Variants in FAM135B observed in about 807,000 individuals in gnomAD.
FAM135B encodes the protein protein FAM135B.
In FAM135B, 43 loss-of-function variants were observed where a neutral mutation model predicts 127.7. The ratio of observed to expected loss-of-function variants is 0.34; its 90% CI spans 0.26 to 0.43. FAM135B has a LOEUF of 0.43. Among genes scored for constraint, FAM135B ranks in the 20% least tolerant of loss-of-function variants. FAM135B has a pLI of 1.00. For synonymous variants in FAM135B, 670 were observed against 665.1 expected, an observed-to-expected ratio of 1.01 and a Z score of -0.11; for missense variants, 1,558 against 1,725.6, an observed-to-expected ratio of 0.90 and a Z score of 1.72.
At chr8:138,333,231 AC>A (rs1010143312) in intron 2 of FAM135B, among the ~76,000 whole-genome samples, 26 of 152,148 alleles carry the variant, frequency 1.7e-4, no homozygotes, top group Admixed American at 5.9e-4. Flanking sequence ...TTGCCCTGGG[AC>A]AACTAAACCT....
intron 7 of FAM135B, among the ~76,000 whole-genome samples, chr8:138,225,586 A>G (rs1294518099): frequency 1.3e-5 from 2 of 152,054 alleles, no homozygotes; most frequent in Admixed American, 6.6e-5. Context: ...AGACACCTAC[A>G]CTGTTGGAGG....
chr8:138,432,075 G>A (rs1447204362), intron 1 of FAM135B, among the ~76,000 whole-genome samples: 1 of 152,178 alleles, frequency 6.6e-6, no homozygotes, highest in Non-Finnish European at 1.5e-5. Context: ...ACGATCCCTG[G>A]GGATGGGTGT....
In FAM135B at chr8:138,137,258, G is replaced by A. The variant is rs2130542226; in HGVS notation, c.3904C>T (p.Leu1302=). 6.4e-7 allele frequency: 1 copy of A among 1,570,824 alleles called. No individual in the cohort carries two copies. Among genetic ancestry groups the A allele is most frequent in the Non-Finnish European group, 8.8e-7 (1 of 1,140,514 alleles). Residue 1302 remains leucine (L), a splice_region_variant and synonymous_variant, in exon 19 of 20, where the codon CTG becomes TTG. Transcript: ENST00000395297. ...FLYQLSQKTG[L]QYFKNVVLVA... ...AGCACGACGTTTTTAAAATACTGCA[G>A]CCCTGTAAAAATTAGCCAGATGAGT... is the stretch of plus-strand genomic sequence containing the variant.
intron 2 of FAM135B, among the ~76,000 whole-genome samples, chr8:138,323,443 G>C (rs141487593): frequency 1.5e-4 from 23 of 152,224 alleles, no homozygotes; most frequent in South Asian, 8.3e-4. Context: ...AATGACCCTT[G>C]GGCTGTTTGT....
At chr8:138,372,183 A>C (rs976063090) in intron 1 of FAM135B, among the ~76,000 whole-genome samples, 1 of 152,208 alleles carries the variant, frequency 6.6e-6, no homozygotes, top group East Asian at 1.9e-4. Context: ...ACAGCAGGTC[A>C]TCTCAACCTC....
intron 1 of FAM135B, among the ~76,000 whole-genome samples, chr8:138,417,846 C>G (rs980868486): frequency 6.6e-6 from 1 of 152,174 alleles, no homozygotes; most frequent in Non-Finnish European, 1.5e-5. Flanking sequence ...AACCCATTCA[C>G]ATGAGAAAAA....
intron 7 of FAM135B, among the ~76,000 whole-genome samples, chr8:138,207,049 G>C (rs182305221): frequency 4.2e-4 from 64 of 152,196 alleles, no homozygotes; most frequent in Non-Finnish European, 7.8e-4. Flanking sequence ...CATCTATATG[G>C]CTCTGTCCAC....
Position 138,153,553 on chromosome 8 carries a change from T to C in FAM135B, c.1259-337A>G, listed in dbSNP as rs149379409. The stretch of plus-strand genomic sequence containing the variant: ...CTTTCCTAGCCAAGGGAAGCCATGA[T>C]AGATGGTACCTGGAAAATCAGGACA... On this transcript the variant is annotated intron_variant, in intron 12 of 19. Coordinates refer to ENST00000395297, the MANE Select transcript of FAM135B (RefSeq NM_015912.4). Among the ~76,000 whole-genome samples, 776 of 152,266 alleles carry C rather than the reference T, an allele frequency of 5.1e-3. 3 individuals are homozygous for C. The highest frequency in any genetic ancestry group is 0.018 in the African/African-American group (734 of 41,558).
chr8:138,150,798 A>G (rs993371696), intron 13 of FAM135B, among the ~76,000 whole-genome samples: 11 of 152,198 alleles, frequency 7.2e-5, no homozygotes, highest in African/African-American at 2.7e-4. Flanking sequence ...TACAATGATG[A>G]TGCAAACATA....
intron 7 of FAM135B, among the ~76,000 whole-genome samples, chr8:138,227,646 G>T (rs1282264239): frequency 6.6e-6 from 1 of 151,690 alleles, no homozygotes; most frequent in Non-Finnish European, 1.5e-5. Context: ...CCCCAATCAA[G>T]GAAACAGTCA....
chr8:138,449,510 G>T (rs1368204239), intron 1 of FAM135B, among the ~76,000 whole-genome samples: 1 of 151,270 alleles, frequency 6.6e-6, no homozygotes, highest in Non-Finnish European at 1.5e-5. Context: ...CAATACGAAG[G>T]GGTGGTCATC....
At chr8:138,437,346 G>A (rs2131531613) in intron 1 of FAM135B, 1 of 152,280 alleles carries the variant, frequency 6.6e-6, no homozygotes. Context: ...AAGGAACCTG[G>A]TGGGAGGTAA....
chr8:138,488,377 C>CGAT (rs1008507023), intron 1 of FAM135B, among the ~76,000 whole-genome samples: 34 of 151,590 alleles, frequency 2.2e-4, no homozygotes, highest in Admixed American at 1.5e-3. Context: ...ACAAATAAAC[C>CGAT]GATGCATCTC....
At chr8:138,133,580 C>G (rs923167540) in intron 19 of FAM135B, among the ~76,000 whole-genome samples, 1 of 152,158 alleles carries the variant, frequency 6.6e-6, no homozygotes, top group African/African-American at 2.4e-5. Context: ...ACTGGGGAGA[C>G]AGTAATTGGA....
intron 19 of FAM135B, among the ~76,000 whole-genome samples, chr8:138,135,071 T>A (rs1406200370): frequency 6.6e-6 from 1 of 152,144 alleles, no homozygotes; most frequent in African/African-American, 2.4e-5. Context: ...TCAACATAAT[T>A]CTGAATTCTA....
At chr8:138,379,256 A>C (rs1186291734) in intron 1 of FAM135B, among the ~76,000 whole-genome samples, 1 of 152,082 alleles carries the variant, frequency 6.6e-6, no homozygotes, top group Admixed American at 6.5e-5. Context: ...TCACATTCTG[A>C]CCATTTTACG....
At chr8:138,408,727 C>T (rs1424046561) in intron 1 of FAM135B, among the ~76,000 whole-genome samples, 1 of 152,068 alleles carries the variant, frequency 6.6e-6, no homozygotes, top group Non-Finnish European at 1.5e-5. Flanking sequence ...AGGGGAACTG[C>T]CACTTTTAAA....
intron 1 of FAM135B, among the ~76,000 whole-genome samples, chr8:138,377,778 T>A (rs1161602059): frequency 1.3e-5 from 2 of 152,082 alleles, no homozygotes; most frequent in Non-Finnish European, 2.9e-5. Flanking sequence ...TTCTCTAGGG[T>A]CCAAAAGAAG....
intron 7 of FAM135B, among the ~76,000 whole-genome samples, chr8:138,203,772 T>C (rs1475666342): frequency 6.6e-6 from 1 of 152,164 alleles, no homozygotes; most frequent in Non-Finnish European, 1.5e-5. Flanking sequence ...TTTATTTCTA[T>C]TATTATTACA....
Sources: gnomAD v4.1 joint callset for allele counts (sites outside exome capture counted in the v4.1 genomes callset) on GRCh38, gnomAD v4.1.1 for gene constraint, MANE v1.5 for transcripts, NCBI Gene and HGNC (gene_info 2026-07-23, HGNC 2026-07-21) for gene names.